GPRASP3: variants seen among roughly 807,000 people sequenced by gnomAD.
GPRASP3 encodes G protein-coupled receptor associated sorting protein family member 3.
the GPRASP3 span, among the ~76,000 whole-genome samples, chrX:102,746,369 A>G: frequency 8.9e-6 from 1 of 112,470 alleles, no homozygotes. Context: ...CCAAGGGCTG[A>G]GGGGCTGGCT....
the GPRASP3 span, among the ~76,000 whole-genome samples, chrX:102,738,896 T>C: frequency 8.9e-6 from 1 of 111,733 alleles, no homozygotes; most frequent in Non-Finnish European, 1.9e-5. Flanking sequence ...AGCTTGGTTT[T>C]ATACATTTTA....
the GPRASP3 span, chrX:102,749,909 A>G: frequency 2.6e-5 from 31 of 1,207,399 alleles, no homozygotes; most frequent in South Asian, 5.3e-4. Context: ...AGGGAGGTAA[A>G]TGGGATTAAG....
chrX:102,743,035 G>A, the GPRASP3 span, among the ~76,000 whole-genome samples: 1 of 111,645 alleles, frequency 9.0e-6, no homozygotes, highest in African/African-American at 3.3e-5. Flanking sequence ...ATAAATGGTT[G>A]TATTCTTTTG....
chrX:102,721,502 C>T, the GPRASP3 span, among the ~76,000 whole-genome samples: 1 of 111,075 alleles, frequency 9.0e-6, no homozygotes, highest in Admixed American at 9.5e-5. Flanking sequence ...ACCTCAATCC[C>T]GGCAGTTCTA....
the GPRASP3 span, among the ~76,000 whole-genome samples, chrX:102,721,741 G>A: frequency 9.0e-6 from 1 of 111,053 alleles, no homozygotes; most frequent in Non-Finnish European, 1.9e-5. Context: ...GGGTCTTTCT[G>A]GGGACCACCT....
chrX:102,733,184 A>G, the GPRASP3 span, among the ~76,000 whole-genome samples: 2 of 112,465 alleles, frequency 1.8e-5, no homozygotes, highest in South Asian at 7.3e-4. Context: ...GGCTGGGTGC[A>G]GTGGCTCACG....
the GPRASP3 span, chrX:102,749,951 A>C: frequency 1.3e-4 from 151 of 1,207,500 alleles, 2 homozygotes; most frequent in Admixed American, 3.3e-3. Flanking sequence ...ATGGAATGCT[A>C]TATGGATTCT....
chrX:102,746,720 T>C, the GPRASP3 span, among the ~76,000 whole-genome samples: 1 of 112,788 alleles, frequency 8.9e-6, no homozygotes, highest in East Asian at 2.8e-4. Flanking sequence ...GCGTGATAGG[T>C]CTGTTGGGTT....
chrX:102,726,698 C>T, the GPRASP3 span, among the ~76,000 whole-genome samples: 26 of 112,532 alleles, frequency 2.3e-4, no homozygotes, highest in African/African-American at 8.4e-4. Context: ...GTGTCTTTCT[C>T]AATATCAGCA....
chrX:102,747,819 C>T, the GPRASP3 span: 4 of 112,544 alleles, frequency 3.6e-5, no homozygotes, highest in East Asian at 1.1e-3. Flanking sequence ...ATCCTTAGGT[C>T]TGTTTCTTTC....
At chrX:102,739,741 G>A in the GPRASP3 span, among the ~76,000 whole-genome samples, 2 of 111,617 alleles carry the variant, frequency 1.8e-5, no homozygotes, top group South Asian at 3.8e-4. Flanking sequence ...GTAAGAAACC[G>A]GCAGCACTGG....
the GPRASP3 span, among the ~76,000 whole-genome samples, chrX:102,725,103 T>G: frequency 2.7e-5 from 3 of 111,570 alleles, no homozygotes; most frequent in Non-Finnish European, 5.6e-5. Flanking sequence ...TATCAAGGCT[T>G]TCACAACCTT....
the GPRASP3 span, among the ~76,000 whole-genome samples, chrX:102,735,422 T>TTTTA: frequency 9.5e-6 from 1 of 105,223 alleles, no homozygotes; most frequent in African/African-American, 3.6e-5. Flanking sequence ...TTTTTTTTTT[T>TTTTA]GAGACGACGT....
chrX:102,730,653 G>A, the GPRASP3 span, among the ~76,000 whole-genome samples: 1 of 111,398 alleles, frequency 9.0e-6, no homozygotes, highest in East Asian at 2.8e-4. Context: ...GGAAGAGGGA[G>A]GGTACAGTAA....
chrX:102,729,741 G>A, the GPRASP3 span, among the ~76,000 whole-genome samples: 425 of 111,717 alleles, frequency 3.8e-3, 2 homozygotes, highest in African/African-American at 0.013. Context: ...GTGGTGGCGG[G>A]TGCCTGTAAT....
chrX:102,740,863 AAAG>A, the GPRASP3 span, among the ~76,000 whole-genome samples: 3 of 111,056 alleles, frequency 2.7e-5, no homozygotes, highest in Non-Finnish European at 5.7e-5. Flanking sequence ...GGAAGGAAAG[AAAG>A]AAGAAAGAAA....
chrX:102,738,877 T>A, the GPRASP3 span, among the ~76,000 whole-genome samples: 1 of 111,497 alleles, frequency 9.0e-6, no homozygotes, highest in African/African-American at 3.3e-5. Flanking sequence ...CCCAAGGTGG[T>A]TGGGGCACAG....
At chrX:102,736,123 C>G in the GPRASP3 span, among the ~76,000 whole-genome samples, 1 of 111,917 alleles carries the variant, frequency 8.9e-6, no homozygotes, top group South Asian at 3.7e-4. Flanking sequence ...TTTTCAAAAG[C>G]CAAAGAAGCA....
the GPRASP3 span, among the ~76,000 whole-genome samples, chrX:102,736,765 C>G: frequency 8.9e-6 from 1 of 111,922 alleles, no homozygotes; most frequent in African/African-American, 3.2e-5. Flanking sequence ...TCCAAATGTG[C>G]AAGTATTCCT....
Sources: allele counts gnomAD v4.1 joint callset (sites outside exome capture counted in the v4.1 genomes callset), GRCh38; gene constraint gnomAD v4.1.1; transcripts MANE v1.5; gene names NCBI Gene and HGNC (gene_info 2026-07-23, HGNC 2026-07-21).